Variants in DTNBP1 observed in about 807,000 individuals in gnomAD.
DTNBP1 encodes dysbindin.
Under a neutral mutation model 42.8 loss-of-function variants are expected in DTNBP1, and 35 were observed. The ratio of observed to expected loss-of-function variants is 0.82; its 90% CI spans 0.63 to 1.09. DTNBP1 has a LOEUF of 1.09. DTNBP1 is among the 50% of genes least tolerant of loss of function. The probability of loss-of-function intolerance (pLI) is 0.00; values close to 1 mark genes in which losing one functional copy is unlikely to be tolerated. For synonymous variants in DTNBP1, 171 were observed against 162.2 expected, an observed-to-expected ratio of 1.05 and a Z score of -0.41; for missense variants, 457 against 424.2, an observed-to-expected ratio of 1.08 and a Z score of -0.68.
rs1478832607 is a variant in DTNBP1, at chr6:15,548,481, A to ACACC, written c.512-15087_512-15086insGGTG. 32 of 134,830 alleles carry ACACC rather than the reference A, an allele frequency of 2.4e-4. 1 individual carries two copies. The highest frequency in any genetic ancestry group is 1.0e-3 in the East Asian group (5 of 4,768). The allele number at this position is 134,830 out of a possible 1,614,324, so 8.4% of individuals were successfully genotyped here. A position where few individuals can be genotyped will look rare whatever the true frequency, so the allele number is the denominator to read the frequency against. ...CACACACACACACACACACACACAC[A>ACACC]CCACAATTCTTCCCATGTATAACAC... is the stretch of plus-strand genomic sequence containing the variant. On this transcript the variant is annotated intron_variant, in intron 7 of 9. Coordinates refer to ENST00000344537, the MANE Select transcript of DTNBP1 (RefSeq NM_032122.5).
At chr6:15,546,856 C>T (rs1773908329) in intron 7 of DTNBP1, among the ~76,000 whole-genome samples, 1 of 151,268 alleles carries the variant, frequency 6.6e-6, no homozygotes, top group Non-Finnish European at 1.5e-5. Flanking sequence ...GATATGTTGA[C>T]AAAGATGCTT....
intron 1 of DTNBP1, among the ~76,000 whole-genome samples, chr6:15,654,190 T>C (rs1459689474): frequency 2.0e-5 from 3 of 152,208 alleles, no homozygotes; most frequent in Non-Finnish European, 4.4e-5. Context: ...CCTCTCTAGA[T>C]AAGTCTAGGA....
At chr6:15,528,313 G>A (rs1268811476) in intron 8 of DTNBP1, among the ~76,000 whole-genome samples, 1 of 152,186 alleles carries the variant, frequency 6.6e-6, no homozygotes, top group Non-Finnish European at 1.5e-5. Flanking sequence ...GTTGTGGGGT[G>A]TCCTGGGTAG....
chr6:15,533,524 C>T, intron 7 of DTNBP1, 129 bp from the exon 8 acceptor site: 1 of 1,467,742 alleles, frequency 6.8e-7, no homozygotes. Context: ...GGGCTGGTGC[C>T]CCGACTGCGT....
intron 1 of DTNBP1, among the ~76,000 whole-genome samples, chr6:15,652,723 G>T (rs1761080502): frequency 6.6e-6 from 1 of 151,968 alleles, no homozygotes; most frequent in African/African-American, 2.4e-5. Context: ...AAACTCTTGG[G>T]CTCAAGCAAT....
chr6:15,566,081 G>A (rs981002212), intron 7 of DTNBP1, among the ~76,000 whole-genome samples: 3 of 152,034 alleles, frequency 2.0e-5, no homozygotes, highest in Non-Finnish European at 2.9e-5. Context: ...TTGGGAGGCC[G>A]AGGCGGGCGG....
At chr6:15,523,759 TG>T in intron 9 of DTNBP1, 1 of 1,287,260 alleles carries the variant, frequency 7.8e-7, no homozygotes, top group South Asian at 1.2e-5. Flanking sequence ...TCCAGTATTC[TG>T]GCCTTCTCAG....
chr6:15,631,967 G>A (rs1759720984), intron 4 of DTNBP1, among the ~76,000 whole-genome samples: 1 of 152,132 alleles, frequency 6.6e-6, no homozygotes, highest in Non-Finnish European at 1.5e-5. Context: ...GAAAGCTCAA[G>A]CTTCTTAAAT....
At chr6:15,613,587 C>T (rs949996567) in intron 6 of DTNBP1, among the ~76,000 whole-genome samples, 29 of 151,974 alleles carry the variant, frequency 1.9e-4, no homozygotes, top group South Asian at 4.2e-4. Flanking sequence ...AGCACAGTAT[C>T]GATCTCCTGA....
intron 7 of DTNBP1, among the ~76,000 whole-genome samples, chr6:15,549,495 A>AT (rs1774090470): frequency 6.7e-6 from 1 of 148,666 alleles, no homozygotes; most frequent in African/African-American, 2.5e-5. Flanking sequence ...AGGGATTAAA[A>AT]AAAAAAAAAA....
chr6:15,601,460 T>C lies in DTNBP1; in HGVS notation c.489-8379A>G, dbSNP rs150981381. Among the ~76,000 whole-genome samples, 761 of 152,298 alleles carry C rather than the reference T, an allele frequency of 5.0e-3. 7 individuals are homozygous for C. The highest frequency in any genetic ancestry group is 0.017 in the African/African-American group (710 of 41,572). On this transcript the variant is annotated intron_variant, in intron 6 of 9. Coordinates refer to ENST00000344537, the MANE Select transcript of DTNBP1 (RefSeq NM_032122.5). ...TAAAAACCCATGTACAGCAAAAATA[T>C]TGGGATCAACTAATAAATTCTCAAA...
chr6:15,609,666 G>A (rs916054220), intron 6 of DTNBP1, among the ~76,000 whole-genome samples: 1 of 152,122 alleles, frequency 6.6e-6, no homozygotes, highest in Non-Finnish European at 1.5e-5. Context: ...TCTTCTGCAG[G>A]TTTTAAACAA....
chr6:15,536,100 T>A (rs985562978), intron 7 of DTNBP1, among the ~76,000 whole-genome samples: 1 of 152,198 alleles, frequency 6.6e-6, no homozygotes, highest in East Asian at 1.9e-4. Context: ...CACAAGGAGA[T>A]AGTTTGAACT....
In DTNBP1 at chr6:15,662,950, C is replaced by T; in HGVS notation, c.-81G>A. Reference sequence around the variant, plus strand: ...CCCCCTGGGTCCCACGCCGCCAACCCCGCGCTGTCACCGCGCGCCCCGCAC... The same window carrying T: ...CCCCCTGGGTCCCACGCCGCCAACCTCGCGCTGTCACCGCGCGCCCCGCAC... On this transcript the variant is annotated 5_prime_UTR_variant, in exon 1 of 10. Coordinates refer to ENST00000344537, the MANE Select transcript of DTNBP1 (RefSeq NM_032122.5). 1.3e-6 allele frequency: 2 copies of T among 1,582,878 alleles called. No individual in the cohort carries two copies. Among genetic ancestry groups the T allele is most frequent in the Non-Finnish European group, 8.6e-7 (1 of 1,167,150 alleles).
chr6:15,641,476 C>A (rs1256007693), intron 3 of DTNBP1, among the ~76,000 whole-genome samples: 1 of 152,088 alleles, frequency 6.6e-6, no homozygotes, highest in Non-Finnish European at 1.5e-5. Context: ...TTCTCTGCTC[C>A]CCTTACCCCT....
At chr6:15,659,100 C>T (rs577635409) in intron 1 of DTNBP1, among the ~76,000 whole-genome samples, 35 of 152,344 alleles carry the variant, frequency 2.3e-4, no homozygotes, top group South Asian at 1.7e-3. Flanking sequence ...TCTTAAGCTG[C>T]ACTTTTTCAA....
chr6:15,539,441 A>T (rs547872283), intron 7 of DTNBP1, among the ~76,000 whole-genome samples: 4 of 152,232 alleles, frequency 2.6e-5, no homozygotes, highest in Non-Finnish European at 5.9e-5. Flanking sequence ...GTCTACCTCT[A>T]CGTTCAGCTG....
chr6:15,656,807 T>C (rs898159833), intron 1 of DTNBP1, among the ~76,000 whole-genome samples: 2 of 152,170 alleles, frequency 1.3e-5, no homozygotes, highest in Non-Finnish European at 1.5e-5. Context: ...AGTACTACAA[T>C]GACTGCTGAG....
chr6:15,650,726 GTTAAGTT>G (rs2113806221), intron 3 of DTNBP1, among the ~76,000 whole-genome samples: 1 of 151,994 alleles, frequency 6.6e-6, no homozygotes, highest in South Asian at 2.1e-4. Context: ...TCTTTTTATT[GTTAAGTT>G]TTAAAAGTTC....
Sources: allele counts gnomAD v4.1 joint callset (sites outside exome capture counted in the v4.1 genomes callset), GRCh38; gene constraint gnomAD v4.1.1; transcripts MANE v1.5; gene names NCBI Gene and HGNC (gene_info 2026-07-23, HGNC 2026-07-21).